The following LAMA2 variants were observed in gnomAD, a reference collection of about 807,000 sequenced individuals.
LAMA2 encodes the protein laminin subunit alpha 2.
LAMA2 carries 269 observed loss-of-function variants against 364.8 expected under a neutral mutation model. The ratio of observed to expected loss-of-function variants is 0.74; its 90% confidence interval spans 0.67 to 0.82. LAMA2 has a LOEUF of 0.82. LAMA2 is among the 40% of genes least tolerant of loss of function. The pLI, the probability that LAMA2 is intolerant of heterozygous loss-of-function variation, is 0.00. For missense variants in LAMA2, 3,807 were observed against 3,873.2 expected (o/e 0.98, Z 0.45); for synonymous variants, 1,379 against 1,370.6 (o/e 1.01, Z -0.14).
chr6:129,193,259 C>G (rs765536786), intron 12 of LAMA2, among the ~76,000 whole-genome samples: 4 of 152,156 alleles, frequency 2.6e-5, no homozygotes, highest in Non-Finnish European at 4.4e-5. Flanking sequence ...AAAACTGATA[C>G]TCAGGAGATT....
At chr6:129,246,018 G>A (rs896220533) in intron 12 of LAMA2, among the ~76,000 whole-genome samples, 1 of 152,138 alleles carries the variant, frequency 6.6e-6, no homozygotes, top group African/African-American at 2.4e-5. Flanking sequence ...TAAGTAGTTA[G>A]TGCCAAACAA....
intron 16 of LAMA2, among the ~76,000 whole-genome samples, chr6:129,267,448 T>A (rs960771798): frequency 2.6e-5 from 4 of 152,092 alleles, no homozygotes; most frequent in African/African-American, 9.7e-5. Context: ...TAAATTAGAA[T>A]CAGATATATT....
chr6:129,510,713 G>A (rs1786505531), intron 62 of LAMA2, among the ~76,000 whole-genome samples: 1 of 152,048 alleles, frequency 6.6e-6, no homozygotes, highest in South Asian at 2.1e-4. Context: ...GGGATATCAG[G>A]AAACGTTTCA....
chr6:129,332,763 T>G (rs988842945), intron 29 of LAMA2, among the ~76,000 whole-genome samples: 2 of 152,152 alleles, frequency 1.3e-5, no homozygotes, highest in African/African-American at 4.8e-5. Flanking sequence ...ATGTACTAAC[T>G]GGTCATTATT....
chr6:129,075,050 C>T (rs1288129467), intron 3 of LAMA2, among the ~76,000 whole-genome samples: 1 of 150,438 alleles, frequency 6.6e-6, no homozygotes, highest in Non-Finnish European at 1.5e-5. Flanking sequence ...TTCAAGTAAA[C>T]AATTTAGAAT....
At chr6:129,469,811 G>A (rs1029253807) in intron 51 of LAMA2, among the ~76,000 whole-genome samples, 62 of 151,888 alleles carry the variant, frequency 4.1e-4, no homozygotes, top group African/African-American at 1.4e-3. Flanking sequence ...CAAAATGGAT[G>A]AATATCCAAA....
chr6:129,312,979 G>T lies in LAMA2; in HGVS notation c.3293G>T (p.Trp1098Leu), dbSNP rs756726014. ...AKCTECSRGH[W>L]NYPRCNLCDC... ...TGTACAGAGTGCAGTCGAGGTCACT[G>T]GAACTACCCTCGCTGCAATCTCTGT... The change falls in exon 23 of 65, where the codon TGG becomes TTG. Residue 1098 changes from tryptophan (W) to leucine (L), a missense_variant. Trp to Leu is a moderately conservative substitution (Grantham distance 61, BLOSUM62 -2). This residue lies in a region of LAMA2 where 3,333 missense variants were observed against 3,345.7 expected (regional missense o/e 1.00). Transcript: ENST00000421865. 5 of 1,613,874 alleles carry T rather than the reference G, an allele frequency of 3.1e-6. No homozygotes were observed. Among genetic ancestry groups the T allele is most frequent in the Non-Finnish European group, 4.2e-6 (5 of 1,179,864 alleles).
intron 1 of LAMA2, among the ~76,000 whole-genome samples, chr6:129,027,643 T>A (rs1466114088): frequency 1.3e-5 from 2 of 151,880 alleles, no homozygotes; most frequent in Non-Finnish European, 2.9e-5. Flanking sequence ...CAGGAAAAGA[T>A]GAGTTTTTTT....
In LAMA2 at chr6:129,462,410, C is replaced by T. The variant is rs371735801; in HGVS notation, c.6993-1880C>T. On this transcript the variant is annotated intron_variant, in intron 49 of 64. Transcript: ENST00000421865. ...CTTGATTTAGCCAAGCACTCTATCT[C>T]GGAAATGTTCGTGGCCCACGTCTTT... 2.3e-4 allele frequency among the ~76,000 whole-genome samples: 35 copies of T among 152,038 alleles called. No homozygotes were observed. The East Asian group carries it at 5.1e-3, about 22-fold the overall frequency.
chr6:129,118,518 A>G (rs377484470), intron 4 of LAMA2, among the ~76,000 whole-genome samples: 6 of 152,334 alleles, frequency 3.9e-5, no homozygotes, highest in African/African-American at 1.4e-4. Context: ...ATATTTAAAC[A>G]TACTGAACAT....
intron 34 of LAMA2, among the ~76,000 whole-genome samples, chr6:129,370,981 T>C (rs1778040168): frequency 6.6e-6 from 1 of 152,224 alleles, no homozygotes; most frequent in Admixed American, 6.5e-5. Flanking sequence ...CAGAATCTCA[T>C]AGCAACAATA....
intron 18 of LAMA2, among the ~76,000 whole-genome samples, chr6:129,286,176 T>G (rs1347462806): frequency 6.6e-6 from 1 of 152,134 alleles, no homozygotes; most frequent in Non-Finnish European, 1.5e-5. Flanking sequence ...AGTGGTGTAC[T>G]ACTGAGGAAA....
intron 1 of LAMA2, among the ~76,000 whole-genome samples, chr6:128,978,673 A>T (rs895517307): frequency 6.6e-6 from 1 of 152,142 alleles, no homozygotes; most frequent in Non-Finnish European, 1.5e-5. Context: ...ATAAGCTTTG[A>T]TCAACTCATC....
rs1351811564 is a variant in LAMA2 at position 129,322,653 on chromosome 6, T to C, written c.4176+1998T>C. The stretch of plus-strand genomic sequence containing the variant: ...AAAATATTCTGTAAGTAGTCAAGGT[T>C]GACCTTTAGATATCTTGAAGAGAAG... On this transcript the variant is annotated intron_variant, in intron 28 of 64. Transcript: ENST00000421865. Among the ~76,000 whole-genome samples the C allele has an allele frequency of 2.6e-5, 4 of 152,240 alleles. No individual in the cohort carries two copies. In the East Asian group the frequency reaches 7.7e-4, roughly 29 times the overall value.
At chr6:129,163,624 C>A (rs1048077732) in intron 8 of LAMA2, among the ~76,000 whole-genome samples, 1 of 152,092 alleles carries the variant, frequency 6.6e-6, no homozygotes, top group Non-Finnish European at 1.5e-5. Flanking sequence ...GAGAGCGAGA[C>A]CCTATCTCAA....
chr6:129,073,612 T>G (rs543037505), intron 3 of LAMA2, among the ~76,000 whole-genome samples: 1 of 152,334 alleles, frequency 6.6e-6, no homozygotes, highest in African/African-American at 2.4e-5. Flanking sequence ...GGGTGACCTG[T>G]TGTTTGGTAT....
At chr6:129,160,319 T>A (rs1366713482) in intron 8 of LAMA2, among the ~76,000 whole-genome samples, 1 of 152,122 alleles carries the variant, frequency 6.6e-6, no homozygotes, top group African/African-American at 2.4e-5. Flanking sequence ...CAATTTTTGA[T>A]ATATTGTATT....
chr6:129,014,965 T>C (rs1363902226), intron 1 of LAMA2, among the ~76,000 whole-genome samples: 1 of 151,966 alleles, frequency 6.6e-6, no homozygotes, highest in African/African-American at 2.4e-5. Flanking sequence ...CTATTTAGCC[T>C]TAGAGCTTTG....
chr6:129,478,566 G>A (rs567615327), intron 53 of LAMA2, 127 bp from the exon 54 acceptor site: 10 of 941,986 alleles, frequency 1.1e-5, no homozygotes, highest in Middle Eastern at 2.1e-4. Flanking sequence ...CTGGGTACAC[G>A]TGTGCACAGT....
Sources: allele counts gnomAD v4.1 joint callset (sites outside exome capture counted in the v4.1 genomes callset), GRCh38; gene constraint gnomAD v4.1.1; regional missense constraint gnomAD v4.1.1; transcripts MANE v1.5; gene names NCBI Gene and HGNC (gene_info 2026-07-23, HGNC 2026-07-21).